ARRDC3: variants seen among roughly 807,000 people sequenced by gnomAD.
ARRDC3 encodes the protein arrestin domain containing 3.
In ARRDC3, 10 loss-of-function variants were observed where a neutral mutation model predicts 47.2. The observed-to-expected ratio is 0.21, with a 90% CI of 0.13 to 0.36. The LOEUF (loss-of-function observed/expected upper bound fraction) is 0.36, where lower values mean the gene tolerates loss of function less well. Ranked by LOEUF, ARRDC3 falls within the 10% of genes least tolerant of loss-of-function variation. ARRDC3 has a pLI of 1.00. For missense variants in ARRDC3, 381 were observed against 503.6 expected (o/e 0.76, Z 2.33); for synonymous variants, 156 against 178.3 (o/e 0.87, Z 1.00).
intron 3 of ARRDC3, 87 bp downstream of exon 3, chr5:91,376,534 T>C: frequency 8.5e-7 from 1 of 1,177,386 alleles, no homozygotes; most frequent in Non-Finnish European, 1.2e-6. Flanking sequence ...ATTTTTAAAT[T>C]ATGACAACTG....
rs1799148087 is a variant in ARRDC3 at position 91,370,645 on chromosome 5, C to G, written c.*755G>C. 6.6e-6 allele frequency: 1 copy of G among 152,530 alleles called. No individual in the cohort carries two copies. Among genetic ancestry groups the G allele is most frequent in the African/African-American group, 2.4e-5 (1 of 41,436 alleles). 9.4% of individuals were successfully genotyped at this position (152,530 alleles called of 1,614,324 possible). A position where few individuals can be genotyped will look rare whatever the true frequency, so the allele number is the denominator to read the frequency against. On this transcript the variant is annotated 3_prime_UTR_variant, in exon 8 of 8. Coordinates refer to ENST00000265138, the MANE Select transcript of ARRDC3 (RefSeq NM_020801.4). ...AAAGGCAACAAATTCTTAAAAGAAA[C>G]CAAGAAGGTATACAATCTTGACAGT... is the stretch of plus-strand genomic sequence containing the variant.
chr5:91,373,496 C>G (rs575012752), intron 7 of ARRDC3, among the ~76,000 whole-genome samples, 188 bp downstream of exon 7: 2 of 152,246 alleles, frequency 1.3e-5, no homozygotes, highest in African/African-American at 4.8e-5. Flanking sequence ...AATAAGTGAA[C>G]AGTCCTACCT....
chr5:91,378,449 C>T (rs1799356332), intron 2 of ARRDC3, among the ~76,000 whole-genome samples: 1 of 151,934 alleles, frequency 6.6e-6, no homozygotes. Context: ...AAACCCTATT[C>T]CTATTTTAAA....
At position 91,376,642 on chromosome 5, in the gene ARRDC3, A is replaced by C; in HGVS notation, c.489T>G (p.Asp163Glu). Reference sequence around the variant, plus strand: ...TTACCAGTAATGAAGGAGTGTTGATATCTATATGCTCAAAGACTGTAAATT... The same window carrying C: ...TTACCAGTAATGAAGGAGTGTTGATCTCTATATGCTCAAAGACTGTAAATT... ...KKEFTVFEHI[D>E]INTPSLLSPQ... The change falls in exon 3 of 8, where the codon GAT (aspartate) becomes GAG (glutamate). Residue 163 changes from aspartate to glutamate, a missense_variant. Coordinates refer to ENST00000265138, the MANE Select transcript of ARRDC3 (RefSeq NM_020801.4). 6.2e-7 allele frequency: 1 copy of C among 1,611,230 alleles called. No individual in the cohort carries two copies. The highest frequency in any genetic ancestry group is 8.5e-7 in the Non-Finnish European group (1 of 1,177,810).
Position 91,375,506 on chromosome 5 carries a change from C to T in ARRDC3, c.613+5G>A, listed in dbSNP as rs1799280659. On this transcript the variant is annotated splice_donor_5th_base_variant and intron_variant, in intron 4 of 7. Coordinates refer to ENST00000265138, the MANE Select transcript of ARRDC3 (RefSeq NM_020801.4). ...GTTTTTTGTGGGAATCTACCTCTTA[C>T]ATACCTGGGGTATAGCCCTTCCTTT... 1 of 1,592,122 alleles carries T rather than the reference C, an allele frequency of 6.3e-7. No individual in the cohort carries two copies. The highest frequency in any genetic ancestry group is 8.6e-7 in the Non-Finnish European group (1 of 1,168,704).
At chr5:91,381,978 T>G (rs1799467185) in intron 1 of ARRDC3, among the ~76,000 whole-genome samples, 1 of 152,202 alleles carries the variant, frequency 6.6e-6, no homozygotes, top group Non-Finnish European at 1.5e-5. Flanking sequence ...AAACAATAGA[T>G]TGGAAATCTC....
At position 91,375,170 on chromosome 5, in the gene ARRDC3, T is replaced by G. The variant is rs1363618893; in HGVS notation, c.622A>C (p.Ile208Leu). The G allele has an allele frequency of 6.2e-7, 1 of 1,612,992 alleles. No homozygotes were observed. The highest frequency in any genetic ancestry group is 8.5e-7 in the Non-Finnish European group (1 of 1,179,918). Residue 208 changes from isoleucine to leucine, a missense_variant, in exon 5 of 8, where the codon ATT becomes CTT. Ile to Leu is a conservative substitution (Grantham distance 5). Transcript: ENST00000265138. Reference sequence around the variant, plus strand: ...TTCTCAATCTCAGCAAATATCTGAATTGATTCACCTAGAGAGGGAAAAATA... The same window carrying G: ...TTCTCAATCTCAGCAAATATCTGAAGTGATTCACCTAGAGAGGGAAAAATA... The part of the protein sequence containing the change: ...ERKGYTPGES[I>L]QIFAEIENCS...
At chr5:91,374,297 T>C in intron 5 of ARRDC3, 21 bp from the exon 6 acceptor site, 5 of 1,592,934 alleles carry the variant, frequency 3.1e-6, no homozygotes, top group Non-Finnish European at 4.3e-6. Flanking sequence ...CAAAGAAATA[T>C]TAAGTTTAGA....
chr5:91,380,018 A>G (rs949151057), intron 1 of ARRDC3: 1 of 152,202 alleles, frequency 6.6e-6, no homozygotes, highest in African/African-American at 2.4e-5. Context: ...CTCCCCTCGA[A>G]GGCGCCCGAA....
Position 91,373,757 on chromosome 5 carries a change from T to C in ARRDC3, c.1115A>G (p.Glu372Gly), listed in dbSNP as rs1438382871. 5 of 1,614,088 alleles carry C rather than the reference T, an allele frequency of 3.1e-6. No homozygotes were observed. Among genetic ancestry groups the C allele is most frequent in the Non-Finnish European group, 4.2e-6 (5 of 1,179,964 alleles). Reference sequence around the variant, plus strand: ...AAACAGTGGTCCTTGAAGGGCTCTCTCAAAGTCATCACAAGCACTCACTGG... The same window carrying C: ...AAACAGTGGTCCTTGAAGGGCTCTCCCAAAGTCATCACAAGCACTCACTGG... ...LAPVSACDDFERALQGPLFAY... is the reference protein window; with the variant it reads ...LAPVSACDDFGRALQGPLFAY... Residue 372 changes from glutamate (E) to glycine (G), a missense_variant, in exon 7 of 8, where the codon GAG (glutamate) becomes GGG (glycine). Transcript: ENST00000265138.
rs747776442 is a variant in ARRDC3 at position 91,375,164 on chromosome 5, T to C, written c.628A>G (p.Ile210Val). 6.2e-7 allele frequency: 1 copy of C among 1,613,258 alleles called. No individual in the cohort carries two copies. ...GAGCAGTTCTCAATCTCAGCAAATA[T>C]CTGAATTGATTCACCTAGAGAGGGA... ...KGYTPGESIQ[I>V]FAEIENCSSR... The change falls in exon 5 of 8, where the codon ATA becomes GTA. Residue 210 changes from isoleucine (I) to valine (V), a missense_variant. By Grantham distance (29) the Ile-to-Val change is conservative. Transcript: ENST00000265138.
At chr5:91,379,669 C>A (rs950959429) in intron 1 of ARRDC3, among the ~76,000 whole-genome samples, 1 of 151,676 alleles carries the variant, frequency 6.6e-6, no homozygotes, top group Admixed American at 6.6e-5. Context: ...GGTTCTAGAT[C>A]ATTAAAGTGC....
chr5:91,378,746 T>C lies in ARRDC3; in HGVS notation c.310A>G (p.Thr104Ala). The change falls in exon 2 of 8, where the codon ACT (threonine) becomes GCT (alanine). Residue 104 changes from threonine to alanine, a missense_variant. Transcript: ENST00000265138. The part of the protein sequence containing the change: ...DDDNSEEGFH[T>A]IHSGRHEYAF... ...TATTCATGCCTTCCTGAATGAATAG[T>C]GTGGAAGCCTTCTTCGGAATTATCA... 1 of 1,599,270 alleles carries C rather than the reference T, an allele frequency of 6.3e-7. No homozygotes were observed. The highest frequency in any genetic ancestry group is 1.3e-5 in the African/African-American group (1 of 74,168).
intron 3 of ARRDC3, 101 bp from the exon 4 acceptor site, chr5:91,375,714 A>C: frequency 1.3e-6 from 1 of 783,418 alleles, no homozygotes; most frequent in Non-Finnish European, 1.9e-6. Context: ...AAAATTAAAA[A>C]TTACAACTGG....
intron 7 of ARRDC3, among the ~76,000 whole-genome samples, chr5:91,372,330 C>T (rs547598719): frequency 1.3e-5 from 2 of 152,034 alleles, no homozygotes; most frequent in Non-Finnish European, 2.9e-5. Flanking sequence ...TAAATCACAC[C>T]CTGAACATAT....
chr5:91,375,862 A>G (rs1216982338), intron 3 of ARRDC3, among the ~76,000 whole-genome samples: 2 of 152,146 alleles, frequency 1.3e-5, no homozygotes, highest in Non-Finnish European at 2.9e-5. Context: ...AGCCTATCCC[A>G]TAAACATAGT....
intron 5 of ARRDC3, 67 bp downstream of exon 5, chr5:91,374,855 C>T: frequency 6.6e-7 from 1 of 1,517,310 alleles, no homozygotes; most frequent in Non-Finnish European, 9.0e-7. Flanking sequence ...CACTGCATTC[C>T]AGCCTGGGTG....
intron 1 of ARRDC3, chr5:91,380,868 G>A (rs948106636): frequency 6.6e-6 from 1 of 152,324 alleles, no homozygotes; most frequent in Non-Finnish European, 1.5e-5. Flanking sequence ...CCAAAAGAGG[G>A]GCGACAGAAC....
Position 91,374,729 on chromosome 5 carries a change from CA to C in ARRDC3, c.870+192del, listed in dbSNP as rs201352797. Among the ~76,000 whole-genome samples, 404 of 152,144 alleles carry C rather than the reference CA, an allele frequency of 2.7e-3. 4 individuals are homozygous for C. Among genetic ancestry groups the C allele is most frequent in the East Asian group, 0.022 (112 of 5,176 alleles). ...TCAAACTCCATCACTACAAAAAATA[CA>C]AAAATTATCCAGGCATGGCTATAGG... On this transcript the variant is annotated intron_variant, in intron 5 of 7. Transcript: ENST00000265138.
Sources: gnomAD v4.1 joint callset for allele counts (sites outside exome capture counted in the v4.1 genomes callset) on GRCh38, gnomAD v4.1.1 for gene constraint, MANE v1.5 for transcripts, NCBI Gene and HGNC (gene_info 2026-07-23, HGNC 2026-07-21) for gene names.